Variants in TSC2 observed in about 807,000 individuals in gnomAD.
The protein encoded by TSC2 is tuberin.
TSC2 carries 29 observed loss-of-function variants against 202.2 expected under a neutral mutation model. The ratio of observed to expected loss-of-function variants is 0.14; its 90% CI spans 0.11 to 0.20. The LOEUF is 0.20. TSC2 is among the 10% of genes least tolerant of loss of function. The probability of loss-of-function intolerance (pLI) is 1.00; values close to 1 mark genes in which losing one functional copy is unlikely to be tolerated. For missense variants in TSC2, 2,429 were observed against 2,420.0 expected (o/e 1.00, Z -0.08); for synonymous variants, 1,349 against 1,044.0 (o/e 1.29, Z -5.63).
chr16:2,065,660 G>A (rs2151211644), intron 16 of TSC2, 25 bp downstream of exon 16: 1 of 1,599,910 alleles, frequency 6.3e-7, no homozygotes, highest in Non-Finnish European at 8.6e-7. Flanking sequence ...CGAGGCCTCT[G>A]CTCCCGGGGC....
chr16:2,081,494 A>T (rs1055151923), intron 30 of TSC2, 101 bp from the exon 31 acceptor site: 2 of 1,466,748 alleles, frequency 1.4e-6, no homozygotes, highest in African/African-American at 2.8e-5. Context: ...GGGAGGGAGC[A>T]TGAGGGCAAA....
intron 10 of TSC2, among the ~76,000 whole-genome samples, chr16:2,059,707 C>T (rs1209560855): frequency 2.6e-5 from 4 of 151,974 alleles, no homozygotes; most frequent in East Asian, 1.9e-4. Flanking sequence ...TTAGTAGAGA[C>T]TGGGTTTCTC....
At chr16:2,085,858 C>T (rs1429320943) in intron 36 of TSC2, among the ~76,000 whole-genome samples, 1 of 152,176 alleles carries the variant, frequency 6.6e-6, no homozygotes, top group African/African-American at 2.4e-5. Context: ...CAGTGAGTCC[C>T]TCCTGCTGTG....
chr16:2,083,811 A>C lies in TSC2; in HGVS notation c.4000A>C (p.Ser1334Arg). 1.2e-6 allele frequency: 2 copies of C among 1,611,040 alleles called. No homozygotes were observed. Among genetic ancestry groups the C allele is most frequent in the East Asian group, 4.5e-5 (2 of 44,836 alleles). ...CATGGACAGGCGCACGGATGCCTAC[A>C]GCAGGGTGAGTGTGGCTCAGAGCCT... Reference protein sequence around the residue: ...LGMDRRTDAYSRSSSVSSQEE... With the variant: ...LGMDRRTDAYRRSSSVSSQEE... Residue 1334 changes from serine (S) to arginine (R), a missense_variant, in exon 33 of 42, where the codon AGC becomes CGC. Ser to Arg is a moderately radical substitution (Grantham distance 110). Coordinates refer to ENST00000219476, the MANE Select transcript of TSC2 (RefSeq NM_000548.5).
Position 2,057,129 on chromosome 16 carries a change from C to T in TSC2, c.799C>T (p.His267Tyr). The change falls in exon 9 of 42, where the codon CAC (histidine) becomes TAC (tyrosine). Residue 267 changes from histidine (H) to tyrosine (Y), a missense_variant. Transcript: ENST00000219476. Reference sequence around the variant, plus strand: ...GCTGATGCGGAACCTCCTTGGCACCCACCTGGGCCACAGCGCCATCTACAA... The same window carrying T: ...GCTGATGCGGAACCTCCTTGGCACCTACCTGGGCCACAGCGCCATCTACAA... The part of the protein sequence containing the change: ...WKLMRNLLGT[H>Y]LGHSAIYNMC... The T allele has an allele frequency of 6.4e-7, 1 of 1,551,624 alleles. No homozygotes were observed. The highest frequency in any genetic ancestry group is 2.4e-5 in the East Asian group (1 of 40,924).
chr16:2,068,147 C>A (rs536179260), intron 16 of TSC2, among the ~76,000 whole-genome samples: 16 of 152,312 alleles, frequency 1.1e-4, no homozygotes, highest in Non-Finnish European at 1.6e-4. Context: ...TCAAGCAATT[C>A]TCTTGCCTCA....
chr16:2,063,225 C>G lies in TSC2; in HGVS notation c.1443+172C>G. ...TTACCCCTGTTCATTCACTGGCTTG[C>G]TCGTCCTGGGTGCCTCTGCCAGGCC... On this transcript the variant is annotated intron_variant, in intron 14 of 41. Coordinates refer to ENST00000219476, the MANE Select transcript of TSC2 (RefSeq NM_000548.5). The G allele has an allele frequency of 3.7e-6, 3 of 806,114 alleles. No individual in the cohort carries two copies. The Admixed American group carries it at 6.3e-5, about 17-fold the overall frequency. 49.9% of individuals were successfully genotyped at this position (806,114 alleles called of 1,614,324 possible). A position where few individuals can be genotyped will look rare whatever the true frequency, so the allele number is the denominator to read the frequency against.
Position 2,060,712 on chromosome 16 carries a change from C to T in TSC2, c.1018C>T (p.Leu340=), listed in dbSNP as rs2151135855. 1.2e-6 allele frequency: 2 copies of T among 1,614,150 alleles called. No individual in the cohort carries two copies. The highest frequency in any genetic ancestry group is 8.5e-7 in the Non-Finnish European group (1 of 1,180,026). Reference sequence around the variant, plus strand: ...CGAGGTGGTGTCCTATGAGATCGTCCTGTCCATCACCAGGCTCATCAAGAA... The same window carrying T: ...CGAGGTGGTGTCCTATGAGATCGTCTTGTCCATCACCAGGCTCATCAAGAA... ...PNEVVSYEIV[L]SITRLIKKYR... The change falls in exon 11 of 42, where the codon CTG becomes TTG. Residue 340 remains leucine, a synonymous_variant. Transcript: ENST00000219476.
chr16:2,088,538 C>G lies in TSC2; in HGVS notation c.5352C>G (p.Pro1784=), dbSNP rs1367848310. The G allele has an allele frequency of 7.4e-6, 12 of 1,612,116 alleles. No homozygotes were observed. Among genetic ancestry groups the G allele is most frequent in the Non-Finnish European group, 1.0e-5 (12 of 1,179,890 alleles). The change falls in exon 42 of 42, where the codon CCC becomes CCG. Residue 1784 remains proline (P), a synonymous_variant. Coordinates refer to ENST00000219476, the MANE Select transcript of TSC2 (RefSeq NM_000548.5). ...SKAPAQTPAE[P]TPGYEVGQRK... is the part of the protein sequence containing the mutation. ...CCCCTGCACAGACTCCAGCCGAGCC[C>G]ACACCTGGCTATGAGGTGGGCCAGC...
chr16:2,058,821 G>A lies in TSC2; in HGVS notation c.923G>A (p.Arg308Gln), dbSNP rs1213252028. 23 of 1,603,712 alleles carry A rather than the reference G, an allele frequency of 1.4e-5. No individual in the cohort carries two copies. Among genetic ancestry groups the A allele is most frequent in the Non-Finnish European group, 1.9e-5 (22 of 1,175,094 alleles). Residue 308 changes from arginine to glutamine, a missense_variant, in exon 10 of 42, where the codon CGG becomes CAG. By Grantham distance (43) the Arg-to-Gln change is conservative (BLOSUM62 1). Transcript: ENST00000219476. ...GGCATGGCTCTCTGGGGAGCCCACC[G>A]GCTCTATTCTCTCAGGAACTCGCCG... is the stretch of plus-strand genomic sequence containing the variant. ...FVGMALWGAHRLYSLRNSPTS... is the reference protein window; with the variant it reads ...FVGMALWGAHQLYSLRNSPTS...
rs368516627 is a variant in TSC2, at chr16:2,057,202, G to A, written c.848+24G>A. 2.0e-4 allele frequency: 313 copies of A among 1,551,340 alleles called. 2 individuals carry two copies. The highest frequency in any genetic ancestry group is 3.3e-4 in the Middle Eastern group (2 of 5,996). On this transcript the variant is annotated intron_variant, in intron 9 of 41. Transcript: ENST00000219476. Reference sequence around the variant, plus strand: ...AGGTGAGTGTGGTGGGTGGGGCGCAGGGCAGTGGAGGCCAGCACAGCCCTC... The same window carrying A: ...AGGTGAGTGTGGTGGGTGGGGCGCAAGGCAGTGGAGGCCAGCACAGCCCTC...
In TSC2 at chr16:2,074,067, T is replaced by C. The variant is rs1331217929; in HGVS notation, c.2356-133T>C. On this transcript the variant is annotated intron_variant, in intron 21 of 41. Transcript: ENST00000219476. ...GCTCGGGTAGCTCAGCACTGCTGGC[T>C]CTGCCCCACAGGCATTCAGGGACTT... 3 of 1,169,750 alleles carry C rather than the reference T, an allele frequency of 2.6e-6. No individual in the cohort carries two copies. In the Admixed American group the frequency reaches 5.8e-5, roughly 23 times the overall value. 72.5% of individuals were successfully genotyped at this position (1,169,750 alleles called of 1,614,324 possible).
chr16:2,076,198 T>C, intron 24 of TSC2, 28 bp downstream of exon 24: 1 of 1,612,988 alleles, frequency 6.2e-7, no homozygotes, highest in Non-Finnish European at 8.5e-7. Flanking sequence ...GAAGGCTGTG[T>C]CTCTCGGTAG....
chr16:2,061,441 A>G, intron 11 of TSC2: 1 of 337,834 alleles, frequency 3.0e-6, no homozygotes, highest in South Asian at 2.5e-5. Flanking sequence ...GGCAGAGGTC[A>G]TAGCCTGGGG....
intron 16 of TSC2, among the ~76,000 whole-genome samples, chr16:2,068,005 T>G (rs923518958): frequency 4.6e-5 from 7 of 152,204 alleles, no homozygotes; most frequent in Non-Finnish European, 1.0e-4. Flanking sequence ...AGATATTTCC[T>G]AGTTGAGGCA....
intron 22 of TSC2, chr16:2,074,927 G>A (rs2089060513): frequency 5.3e-6 from 1 of 190,276 alleles, no homozygotes; most frequent in South Asian, 1.0e-4. Context: ...TAGAAGTGTA[G>A]AAGCCTGGCC....
At chr16:2,055,322 A>T in intron 5 of TSC2, 80 bp from the exon 6 acceptor site, 1 of 1,110,790 alleles carries the variant, frequency 9.0e-7, no homozygotes, top group Admixed American at 1.7e-5. Context: ...GTTTGGACAC[A>T]CTGTCCTGCG....
rs2151325785 is a variant in TSC2 at position 2,072,834 on chromosome 16, G to A, written c.2221-15G>A. 2 of 1,613,452 alleles carry A rather than the reference G, an allele frequency of 1.2e-6. No homozygotes were observed. Among genetic ancestry groups the A allele is most frequent in the African/African-American group, 1.3e-5 (1 of 75,064 alleles). ...GCCGCTGGGGAGAGGTTTCATGCCTGGATTTGGTCATCAGCTTTCAGGCCC... is the reference window on the plus strand; with the variant it reads ...GCCGCTGGGGAGAGGTTTCATGCCTAGATTTGGTCATCAGCTTTCAGGCCC... On this transcript the variant is annotated splice_polypyrimidine_tract_variant and intron_variant, in intron 20 of 41. Transcript: ENST00000219476.
At chr16:2,071,486 C>CT (rs2088375896) in intron 17 of TSC2, 24 bp from the exon 18 acceptor site, 1 of 1,612,958 alleles carries the variant, frequency 6.2e-7, no homozygotes, top group Non-Finnish European at 8.5e-7. Flanking sequence ...TTGGCTCTGG[C>CT]TTTCACCATC....
Sources: allele counts gnomAD v4.1 joint callset (sites outside exome capture counted in the v4.1 genomes callset), GRCh38; gene constraint gnomAD v4.1.1; transcripts MANE v1.5; gene names NCBI Gene and HGNC (gene_info 2026-07-23, HGNC 2026-07-21).